PXDNL: variants seen among roughly 807,000 people sequenced by gnomAD.
PXDNL encodes the protein peroxidasin like.
In PXDNL, 145 loss-of-function variants were observed where a neutral mutation model predicts 150.8. The ratio of observed to expected loss-of-function variants is 0.96; its 90% CI spans 0.84 to 1.10. The LOEUF (loss-of-function observed/expected upper bound fraction) is 1.10. PXDNL is among the 50% of genes least tolerant of loss of function. The pLI is 0.00. For missense variants in PXDNL, 2,087 were observed against 1,873.9 expected (o/e 1.11, Z -2.10); for synonymous variants, 757 against 725.7 (o/e 1.04, Z -0.69).
chr8:51,351,291 T>G lies in PXDNL; in HGVS notation c.3902-5344A>C, dbSNP rs79772806. 5.2e-3 allele frequency among the ~76,000 whole-genome samples: 786 copies of G among 152,310 alleles called. 5 individuals carry two copies. The highest frequency in any genetic ancestry group is 0.018 in the African/African-American group (759 of 41,562). On this transcript the variant is annotated intron_variant, in intron 19 of 22. Coordinates refer to ENST00000356297, the MANE Select transcript of PXDNL (RefSeq NM_144651.5). Reference sequence around the variant, plus strand: ...ATAGGGTTGTTGCAGAGTAATTCGTTAAGAGACCACACTGGAGTAGATGGG... The same window carrying G: ...ATAGGGTTGTTGCAGAGTAATTCGTGAAGAGACCACACTGGAGTAGATGGG...
chr8:51,542,459 G>A (rs749498563), intron 4 of PXDNL, among the ~76,000 whole-genome samples: 6 of 150,524 alleles, frequency 4.0e-5, no homozygotes, highest in Admixed American at 6.7e-5. Context: ...ATTAGATCAC[G>A]AGGGTAGGGT....
At chr8:51,411,428 G>A (rs1216177333) in intron 15 of PXDNL, 21 bp from the exon 16 acceptor site, 1 of 1,554,232 alleles carries the variant, frequency 6.4e-7, no homozygotes, top group Non-Finnish European at 8.6e-7. Context: ...CAAAACACAT[G>A]ATTCTTTACA....
chr8:51,791,063 C>G (rs925513257), intron 1 of PXDNL, among the ~76,000 whole-genome samples: 1 of 152,054 alleles, frequency 6.6e-6, no homozygotes, highest in Admixed American at 6.5e-5. Context: ...AAATTATAGG[C>G]GAGGAGACTG....
intron 6 of PXDNL, among the ~76,000 whole-genome samples, chr8:51,478,387 A>G (rs1810528399): frequency 6.6e-6 from 1 of 152,236 alleles, no homozygotes; most frequent in African/African-American, 2.4e-5. Flanking sequence ...TCTCTGCTCA[A>G]TGAAAAATTT....
intron 1 of PXDNL, among the ~76,000 whole-genome samples, chr8:51,705,987 C>T (rs1262845796): frequency 1.3e-5 from 2 of 152,270 alleles, no homozygotes; most frequent in East Asian, 1.9e-4. Context: ...GAGAATTTTC[C>T]AAAACTGACA....
At chr8:51,535,181 G>A (rs1447756051) in intron 4 of PXDNL, among the ~76,000 whole-genome samples, 3 of 137,820 alleles carry the variant, frequency 2.2e-5, no homozygotes, top group African/African-American at 3.2e-5. Context: ...GAAGTGAGGA[G>A]CCTCTCTGCC....
At chr8:51,641,420 C>A (rs1479976084) in intron 2 of PXDNL, among the ~76,000 whole-genome samples, 1 of 150,182 alleles carries the variant, frequency 6.7e-6, no homozygotes, top group African/African-American at 2.5e-5. Context: ...AACAGGCAAC[C>A]TAAAAAATGG....
At chr8:51,449,198 C>T in intron 10 of PXDNL, 80 bp from the exon 11 acceptor site, 1 of 730,920 alleles carries the variant, frequency 1.4e-6, no homozygotes, top group Non-Finnish European at 2.3e-6. Flanking sequence ...AAAATGTCTT[C>T]AAATATGTCA....
intron 20 of PXDNL, among the ~76,000 whole-genome samples, chr8:51,340,863 A>C (rs1447997430): frequency 1.3e-5 from 2 of 152,248 alleles, no homozygotes; most frequent in African/African-American, 4.8e-5. Context: ...GATAATATTA[A>C]TGCAAATGGT....
chr8:51,663,569 G>A (rs912685351), intron 1 of PXDNL, among the ~76,000 whole-genome samples: 2 of 152,176 alleles, frequency 1.3e-5, no homozygotes, highest in Non-Finnish European at 2.9e-5. Context: ...ACCTTCTCCA[G>A]ATCATTAAAA....
At chr8:51,560,371 A>G (rs944017017) in intron 3 of PXDNL, among the ~76,000 whole-genome samples, 2 of 152,018 alleles carry the variant, frequency 1.3e-5, no homozygotes, top group African/African-American at 2.4e-5. Context: ...CAATCTTGAG[A>G]AAGAATAACA....
intron 4 of PXDNL, among the ~76,000 whole-genome samples, chr8:51,520,486 C>T (rs1411141435): frequency 1.3e-5 from 2 of 152,116 alleles, no homozygotes; most frequent in South Asian, 2.1e-4. Flanking sequence ...GACATAGGCC[C>T]GCCATGCACC....
At chr8:51,646,580 G>A (rs775705158) in intron 2 of PXDNL, among the ~76,000 whole-genome samples, 8 of 152,228 alleles carry the variant, frequency 5.3e-5, no homozygotes, top group African/African-American at 1.2e-4. Flanking sequence ...TTTCAGTGGC[G>A]TGGTAGTGCT....
At chr8:51,581,379 C>T (rs1330849213) in intron 3 of PXDNL, among the ~76,000 whole-genome samples, 1 of 152,044 alleles carries the variant, frequency 6.6e-6, no homozygotes, top group Non-Finnish European at 1.5e-5. Flanking sequence ...ATCCCAGCTA[C>T]TCAAGAGGTT....
At chr8:51,613,510 G>C (rs1182219213) in intron 2 of PXDNL, among the ~76,000 whole-genome samples, 1 of 150,848 alleles carries the variant, frequency 6.6e-6, no homozygotes, top group African/African-American at 2.4e-5. Flanking sequence ...CGGCAGAGGG[G>C]GAAGACAAGC....
At chr8:51,640,139 G>C (rs891942981) in intron 2 of PXDNL, among the ~76,000 whole-genome samples, 8 of 152,096 alleles carry the variant, frequency 5.3e-5, no homozygotes, top group Non-Finnish European at 7.4e-5. Context: ...TAAGGCCTTT[G>C]ACAAAATTCA....
chr8:51,553,371 C>T (rs1467840557), intron 4 of PXDNL, among the ~76,000 whole-genome samples: 3 of 152,204 alleles, frequency 2.0e-5, no homozygotes, highest in African/African-American at 7.2e-5. Context: ...TGTGAAAAGG[C>T]ACTGCCTGGG....
chr8:51,449,162 A>C (rs751541259), intron 10 of PXDNL, 44 bp from the exon 11 acceptor site: 5 of 1,081,874 alleles, frequency 4.6e-6, no homozygotes, highest in Middle Eastern at 2.0e-4. Context: ...ATTATTTTAC[A>C]AATTTTCAGT....
chr8:51,435,799 T>C, intron 12 of PXDNL: 1 of 422,890 alleles, frequency 2.4e-6, no homozygotes, highest in Admixed American at 2.9e-5. Flanking sequence ...TCATCTTTTC[T>C]TCCAGAGGAA....
Sources: allele counts gnomAD v4.1 joint callset (sites outside exome capture counted in the v4.1 genomes callset), GRCh38; gene constraint gnomAD v4.1.1; transcripts MANE v1.5; gene names NCBI Gene and HGNC (gene_info 2026-07-23, HGNC 2026-07-21).